PRIM2: variants seen among roughly 807,000 people sequenced by gnomAD.
PRIM2 encodes the protein DNA primase subunit 2, also known as DNA primase large subunit.
A neutral mutation model predicts 67.3 loss-of-function variants in PRIM2; 39 were observed. The observed-to-expected ratio is 0.58, with a 90% CI of 0.45 to 0.76. PRIM2 has a LOEUF of 0.76. Ranked by LOEUF, PRIM2 falls within the 30% of genes least tolerant of loss-of-function variation. PRIM2 has a pLI of 0.00. For missense variants in PRIM2, 398 were observed against 598.7 expected (o/e 0.66, Z 3.50); for synonymous variants, 143 against 198.7 (o/e 0.72, Z 2.36).
the PRIM2 span, among the ~76,000 whole-genome samples, chr6:57,272,995 A>C: frequency 2.0e-5 from 3 of 152,196 alleles, no homozygotes; most frequent in African/African-American, 7.2e-5. Flanking sequence ...CTGAGAGATC[A>C]GCTGTTTGTC....
intron 7 of PRIM2, among the ~76,000 whole-genome samples, chr6:57,424,945 A>AAAACCTT (rs1771573908): frequency 6.6e-6 from 1 of 152,218 alleles, no homozygotes; most frequent in East Asian, 1.9e-4. Context: ...TAACTCAAGA[A>AAAACCTT]AAACCTTGCT....
In PRIM2 at chr6:57,593,176, G is replaced by A. The variant is rs1470239008; in HGVS notation, c.1021-7917G>A. Among the ~76,000 whole-genome samples the A allele has an allele frequency of 3.1e-3, 466 of 152,234 alleles. 4 individuals are homozygous for A. Among genetic ancestry groups the A allele is most frequent in the Admixed American group, 7.7e-3 (117 of 15,288 alleles). ...CTGGGATGTCTGGACTAATTTGGAA[G>A]GTTGCAAACTGCCACGTACCCACCT... is the stretch of plus-strand genomic sequence containing the variant. On this transcript the variant is annotated intron_variant, in intron 10 of 13. Transcript: ENST00000615550.
At chr6:57,622,474 C>G (rs1776877237) in intron 12 of PRIM2, among the ~76,000 whole-genome samples, 3 of 152,160 alleles carry the variant, frequency 2.0e-5, no homozygotes, top group African/African-American at 7.2e-5. Context: ...ACAACCAATA[C>G]TTACTTTTAC....
intron 10 of PRIM2, among the ~76,000 whole-genome samples, chr6:57,584,278 C>T: frequency 6.6e-6 from 1 of 152,170 alleles, no homozygotes; most frequent in Non-Finnish European, 1.5e-5. Context: ...GCCAGCCTAC[C>T]TCCAGTATTC....
chr6:57,510,823 T>G (rs1188002821), intron 8 of PRIM2, among the ~76,000 whole-genome samples: 1 of 152,186 alleles, frequency 6.6e-6, no homozygotes, highest in Non-Finnish European at 1.5e-5. Context: ...TGTTTTTATT[T>G]TATCTTCCTT....
intron 8 of PRIM2, among the ~76,000 whole-genome samples, chr6:57,526,698 G>T (rs1404207457): frequency 5.9e-5 from 9 of 152,188 alleles, no homozygotes; most frequent in Non-Finnish European, 1.2e-4. Context: ...AAAAAACTAT[G>T]TTGGTGACAG....
At chr6:57,533,703 A>G (rs1196203698) in intron 9 of PRIM2, among the ~76,000 whole-genome samples, 4 of 152,206 alleles carry the variant, frequency 2.6e-5, no homozygotes, top group Non-Finnish European at 1.5e-5. Context: ...ATGTTTCCCT[A>G]TTCACAAGCA....
At chr6:57,498,754 G>GA (rs1176771212) in intron 7 of PRIM2, among the ~76,000 whole-genome samples, 1 of 152,138 alleles carries the variant, frequency 6.6e-6, no homozygotes, top group Non-Finnish European at 1.5e-5. Context: ...ACAGTTCAGA[G>GA]AAGGGATTCA....
chr6:57,310,228 T>C (rs1000544342), upstream of PRIM2, among the ~76,000 whole-genome samples: 10 of 152,322 alleles, frequency 6.6e-5, no homozygotes, highest in East Asian at 1.9e-3. Context: ...GAAATGCAAA[T>C]CAAAACCACA....
At chr6:57,544,037 A>C (rs1206687749) in intron 10 of PRIM2, among the ~76,000 whole-genome samples, 1 of 152,180 alleles carries the variant, frequency 6.6e-6, no homozygotes, top group Non-Finnish European at 1.5e-5. Context: ...TAGGAATTTG[A>C]TGTTGTAAGA....
the PRIM2 span, among the ~76,000 whole-genome samples, chr6:57,269,561 T>C: frequency 6.6e-6 from 1 of 152,178 alleles, no homozygotes; most frequent in Non-Finnish European, 1.5e-5. Flanking sequence ...TTGCAAAAAT[T>C]TTCTCCCATT....
intron 7 of PRIM2, among the ~76,000 whole-genome samples, chr6:57,488,506 G>A (rs1773804421): frequency 1.3e-5 from 2 of 152,234 alleles, no homozygotes; most frequent in African/African-American, 4.8e-5. Flanking sequence ...AGATTAAGTA[G>A]TCACTTGGAA....
the PRIM2 span, among the ~76,000 whole-genome samples, chr6:57,273,213 G>T: frequency 6.6e-6 from 1 of 152,180 alleles, no homozygotes; most frequent in African/African-American, 2.4e-5. Flanking sequence ...ATAATATCCT[G>T]CAGAATATTT....
intron 5 of PRIM2, among the ~76,000 whole-genome samples, chr6:57,338,817 C>G (rs1234149637): frequency 7.0e-6 from 1 of 143,318 alleles, no homozygotes; most frequent in African/African-American, 2.6e-5. Context: ...CCCTCTCTCA[C>G]CACTCCTATT....
chr6:57,227,975 A>G, the PRIM2 span, among the ~76,000 whole-genome samples: 1 of 152,218 alleles, frequency 6.6e-6, no homozygotes, highest in Non-Finnish European at 1.5e-5. Context: ...TTCAACATTA[A>G]TCAGTAATTG....
At chr6:57,263,134 T>C in the PRIM2 span, among the ~76,000 whole-genome samples, 2 of 152,190 alleles carry the variant, frequency 1.3e-5, no homozygotes, top group Non-Finnish European at 1.5e-5. Context: ...TTCCTACCAT[T>C]TAGATAGTAT....
At chr6:57,389,714 A>G (rs554904807) in intron 7 of PRIM2, among the ~76,000 whole-genome samples, 67 of 152,286 alleles carry the variant, frequency 4.4e-4, no homozygotes, top group African/African-American at 1.6e-3. Flanking sequence ...TAGGCACTTG[A>G]TCAGGTAATT....
intron 7 of PRIM2, among the ~76,000 whole-genome samples, chr6:57,432,016 A>G (rs1271170603): frequency 6.6e-6 from 1 of 152,216 alleles, no homozygotes; most frequent in African/African-American, 2.4e-5. Flanking sequence ...AGGATATTAA[A>G]AACATTAATT....
rs780827017 is a variant in PRIM2 at position 57,320,507 on chromosome 6, C to G, written c.205C>G (p.Gln69Glu). Residue 69 changes from glutamine to glutamate, a missense_variant, in exon 3 of 14, where the codon CAA (glutamine) becomes GAA (glutamate). By Grantham distance (29) the Gln-to-Glu change is conservative (BLOSUM62 2). This residue lies in a region of PRIM2 where 96 missense variants were observed against 98.3 expected (regional missense o/e 0.98). Transcript: ENST00000615550. ...LGVSYVKGTEQYQSKLESELR... is the reference protein window; with the variant it reads ...LGVSYVKGTEEYQSKLESELR... Reference sequence around the variant, plus strand: ...AGTGAGCTATGTGAAAGGAACTGAACAATACCAGAGTAAGTTGGAGAGTGA... The same window carrying G: ...AGTGAGCTATGTGAAAGGAACTGAAGAATACCAGAGTAAGTTGGAGAGTGA... The G allele has an allele frequency of 6.2e-7, 1 of 1,610,010 alleles. No individual in the cohort carries two copies. Among genetic ancestry groups the G allele is most frequent in the African/African-American group, 1.3e-5 (1 of 74,874 alleles).
Sources: allele counts gnomAD v4.1 joint callset (sites outside exome capture counted in the v4.1 genomes callset), GRCh38; gene constraint gnomAD v4.1.1; regional missense constraint gnomAD v4.1.1; transcripts MANE v1.5; gene names NCBI Gene and HGNC (gene_info 2026-07-23, HGNC 2026-07-21).